HIBCH: variants seen among roughly 807,000 people sequenced by gnomAD.
HIBCH encodes the protein 3-hydroxyisobutyryl-CoA hydrolase, also known as 3-hydroxyisobutyryl-CoA hydrolase, mitochondrial.
HIBCH carries 50 observed loss-of-function variants against 58.2 expected under a neutral mutation model. That is an observed-to-expected ratio of 0.86 (90% confidence interval 0.68 to 1.09). The LOEUF (loss-of-function observed/expected upper bound fraction) is 1.09. Ranked by LOEUF, HIBCH falls within the 50% of genes least tolerant of loss-of-function variation. HIBCH has a pLI of 0.00. For synonymous variants in HIBCH, 151 were observed against 146.9 expected (o/e 1.03, Z -0.20); for missense variants, 450 against 449.7 (o/e 1.00, Z -0.01).
chr2:190,246,031 T>G (rs1332514146), intron 10 of HIBCH, 123 bp downstream of exon 10: 4 of 640,730 alleles, frequency 6.2e-6, no homozygotes, highest in Admixed American at 5.5e-5. Context: ...CTATACTTTC[T>G]GATCTCAGAA....
chr2:190,205,300 A>C, intron 13 of HIBCH, 68 bp from the exon 14 acceptor site: 4 of 874,606 alleles, frequency 4.6e-6, no homozygotes, highest in Non-Finnish European at 3.7e-6. Flanking sequence ...TTACTTACTG[A>C]ATTGACAGAA....
At chr2:190,223,975 CA>C (rs1333126436) in intron 11 of HIBCH, among the ~76,000 whole-genome samples, 2 of 152,194 alleles carry the variant, frequency 1.3e-5, no homozygotes, top group East Asian at 3.8e-4. Flanking sequence ...ACCTGAGAAG[CA>C]AAAGGGGTCG....
intron 1 of HIBCH, among the ~76,000 whole-genome samples, chr2:190,314,390 T>TATATACAC (rs71027213): frequency 7.2e-6 from 1 of 139,174 alleles, no homozygotes; most frequent in East Asian, 2.0e-4. Flanking sequence ...TGTATATATA[T>TATATACAC]GTATATATAT....
chr2:190,301,116 A>T (rs913869676), intron 2 of HIBCH, among the ~76,000 whole-genome samples: 3 of 152,236 alleles, frequency 2.0e-5, no homozygotes, highest in African/African-American at 7.2e-5. Context: ...CTCTTGCTGA[A>T]CTTTCCTCCT....
intron 1 of HIBCH, among the ~76,000 whole-genome samples, chr2:190,195,337 C>T (rs1244246298): frequency 1.3e-5 from 2 of 151,136 alleles, no homozygotes; most frequent in African/African-American, 4.8e-5. Context: ...TGGGTAAATA[C>T]CAAGAAGCAG....
rs1200679979 is a variant in HIBCH at position 190,216,389 on chromosome 2, T to C, written c.892-3314A>G. ...GGATGAAATGACCATTAAGGTTTTG[T>C]TGTTGTTTTACTGAGAGGCTGTAAG... On this transcript the variant is annotated intron_variant, in intron 11 of 13. Coordinates refer to ENST00000359678, the MANE Select transcript of HIBCH (RefSeq NM_014362.4). This position sits in a 1 kb window ranked among gnomAD's most constrained non-coding sequence, Gnocchi z 4.2. 2.0e-5 allele frequency among the ~76,000 whole-genome samples: 3 copies of C among 152,180 alleles called. No individual in the cohort carries two copies. Among genetic ancestry groups the C allele is most frequent in the Non-Finnish European group, 2.9e-5 (2 of 68,032 alleles).
intron 11 of HIBCH, chr2:190,213,448 G>A (rs532477761): frequency 2.2e-5 from 5 of 228,502 alleles, no homozygotes; most frequent in South Asian, 1.2e-4. Flanking sequence ...GTCCATTTCC[G>A]GGACAAAGTG....
At position 190,204,581 on chromosome 2, in the gene HIBCH, G is replaced by A. The variant is rs1690342381; in HGVS notation, c.*536C>T. The A allele has an allele frequency of 6.5e-6, 1 of 154,232 alleles. No individual in the cohort carries two copies. The highest frequency in any genetic ancestry group is 2.0e-4 in the South Asian group (1 of 4,992). The allele number at this position is 154,232 out of a possible 1,614,324, so 9.6% of individuals were successfully genotyped here. A position where few individuals can be genotyped will look rare whatever the true frequency, so the allele number is the denominator to read the frequency against. Reference sequence around the variant, plus strand: ...CACTCATATATGGAGAAAATTCTATGAGGCATTAACACAGTATCCAAAACA... The same window carrying A: ...CACTCATATATGGAGAAAATTCTATAAGGCATTAACACAGTATCCAAAACA... On this transcript the variant is annotated 3_prime_UTR_variant, in exon 14 of 14. Coordinates refer to ENST00000359678, the MANE Select transcript of HIBCH (RefSeq NM_014362.4).
chr2:190,205,114 A>G lies in HIBCH; in HGVS notation c.*3T>C, dbSNP rs371007017. Reference sequence around the variant, plus strand: ...ACAAAATATACCTTAAAAGCCTGTCACCTCAAAATTTCAAATCACTGCTTC... The same window carrying G: ...ACAAAATATACCTTAAAAGCCTGTCGCCTCAAAATTTCAAATCACTGCTTC... On this transcript the variant is annotated 3_prime_UTR_variant, in exon 14 of 14. Coordinates refer to ENST00000359678, the MANE Select transcript of HIBCH (RefSeq NM_014362.4). 150 of 1,525,612 alleles carry G rather than the reference A, an allele frequency of 9.8e-5. No homozygotes were observed. The African/African-American group carries it at 1.6e-3, about 16-fold the overall frequency. The allele number at this position is 1,525,612 out of a possible 1,614,324, so 94.5% of individuals were successfully genotyped here.
chr2:190,201,096 A>G (rs1380114099), downstream of HIBCH: 2 of 167,062 alleles, frequency 1.2e-5, no homozygotes, highest in African/African-American at 4.8e-5. Context: ...GCAAAACGGA[A>G]AAGATAAAAC....
At chr2:190,231,172 T>A (rs1373296406) in intron 11 of HIBCH, among the ~76,000 whole-genome samples, 1 of 152,016 alleles carries the variant, frequency 6.6e-6, no homozygotes, top group Non-Finnish European at 1.5e-5. Flanking sequence ...TGGGAAAAAA[T>A]TAACCTGGAC....
intron 6 of HIBCH, among the ~76,000 whole-genome samples, chr2:190,286,466 C>G (rs1169518386): frequency 6.6e-6 from 1 of 152,146 alleles, no homozygotes; most frequent in Non-Finnish European, 1.5e-5. Context: ...TATATGGATA[C>G]TGGCCATGAC....
intron 11 of HIBCH, among the ~76,000 whole-genome samples, chr2:190,228,597 A>G (rs1685993433): frequency 6.6e-6 from 1 of 152,124 alleles, no homozygotes; most frequent in African/African-American, 2.4e-5. Flanking sequence ...AAAATTTGAT[A>G]AATTATTGGG....
rs1690350107 is a variant in HIBCH at position 190,204,837 on chromosome 2, G to A, written c.*280C>T. ...ACCAGACAGTAAATAATTAGGCTTT[G>A]TAGGCTTTACCATCTCTATTGCAAC... On this transcript the variant is annotated 3_prime_UTR_variant, in exon 14 of 14. Coordinates refer to ENST00000359678, the MANE Select transcript of HIBCH (RefSeq NM_014362.4). 8.9e-6 allele frequency: 3 copies of A among 338,554 alleles called. No homozygotes were observed. The highest frequency in any genetic ancestry group is 1.6e-5 in the Non-Finnish European group (3 of 182,584). 21.0% of individuals were successfully genotyped at this position (338,554 alleles called of 1,614,324 possible). A position where few individuals can be genotyped will look rare whatever the true frequency, so the allele number is the denominator to read the frequency against.
At chr2:190,296,173 C>A (rs926790287) in intron 3 of HIBCH, among the ~76,000 whole-genome samples, 6 of 152,116 alleles carry the variant, frequency 3.9e-5, no homozygotes, top group African/African-American at 1.4e-4. Context: ...GTAATCCCAG[C>A]ACTTTGGGAG....
At chr2:190,250,283 C>G in intron 8 of HIBCH, 1 of 422,950 alleles carries the variant, frequency 2.4e-6, no homozygotes, top group Non-Finnish European at 4.8e-6. Context: ...GTACTGCAAC[C>G]TTCATAAAAA....
chr2:190,212,987 G>T lies in HIBCH; in HGVS notation c.980C>A (p.Thr327Asn). The change falls in exon 12 of 14, where the codon ACT becomes AAT. Residue 327 changes from threonine to asparagine, a missense_variant. By Grantham distance (65) the Thr-to-Asn change is moderately conservative. Transcript: ENST00000359678. ...AGCTTGACTTAGCCGATACTCCATA[G>T]TTAGTACTTCTTGCAAGGTCTTTGA... ...GSSKTLQEVL[T>N]MEYRLSQACM... 1 of 1,611,786 alleles carries T rather than the reference G, an allele frequency of 6.2e-7. No homozygotes were observed. Among genetic ancestry groups the T allele is most frequent in the Non-Finnish European group, 8.5e-7 (1 of 1,178,628 alleles).
intron 12 of HIBCH, among the ~76,000 whole-genome samples, chr2:190,212,431 A>G (rs1417434487): frequency 1.3e-5 from 2 of 152,246 alleles, no homozygotes; most frequent in Admixed American, 1.3e-4. Flanking sequence ...CATCTGGAAG[A>G]ATAAATAAAT....
Position 190,310,760 on chromosome 2 carries a change from G to A in HIBCH, c.72C>T (p.His24=), listed in dbSNP as rs1688535588. ...AACAAACACAATAACTTACCAAATG[G>A]TGCAGTATGGTATTAGTCCTTTTGA... ...NAFKRTNTIL[H]HLRMSKHTDA... Residue 24 remains histidine (H), a synonymous_variant, in exon 2 of 14, where the codon CAC becomes CAT. Coordinates refer to ENST00000359678, the MANE Select transcript of HIBCH (RefSeq NM_014362.4). The A allele has an allele frequency of 2.5e-6, 4 of 1,608,182 alleles. No individual in the cohort carries two copies. Among genetic ancestry groups the A allele is most frequent in the Non-Finnish European group, 3.4e-6 (4 of 1,174,680 alleles).
Sources: allele counts gnomAD v4.1 joint callset (sites outside exome capture counted in the v4.1 genomes callset), GRCh38; gene constraint gnomAD v4.1.1; non-coding constraint Gnocchi (gnomAD v3.1); transcripts MANE v1.5; gene names NCBI Gene and HGNC (gene_info 2026-07-23, HGNC 2026-07-21).